Variants in KALRN observed in about 807,000 individuals in gnomAD.
KALRN encodes kalirin.
A neutral mutation model predicts 353.7 loss-of-function variants in KALRN; 70 were observed. The observed-to-expected ratio is 0.20, with a 90% CI of 0.16 to 0.24. The LOEUF (loss-of-function observed/expected upper bound fraction) is 0.24, where lower values mean the gene tolerates loss of function less well. KALRN is among the 10% of genes least tolerant of loss of function. KALRN has a pLI of 1.00. For synonymous variants in KALRN, 1,391 were observed against 1,434.8 expected (o/e 0.97, Z 0.69); for missense variants, 2,791 against 3,756.7 (o/e 0.74, Z 6.72).
Position 124,649,790 on chromosome 3 carries a change from A to AATAGATAGATAG in KALRN, c.5665-982_5665-971dup, listed in dbSNP as rs57296265. On this transcript the variant is annotated intron_variant, in intron 37 of 59. Transcript: ENST00000682506. The stretch of plus-strand genomic sequence containing the variant: ...GCAATAGAGTGAGACCCTGTCTCAA[A>AATAGATAGATAG]ATAGATAGATAGATAGATAGATAGA... Among the ~76,000 whole-genome samples the AATAGATAGATAG allele has an allele frequency of 2.9e-3, 385 of 132,830 alleles. 2 individuals carry two copies. Among genetic ancestry groups the AATAGATAGATAG allele is most frequent in the East Asian group, 5.5e-3 (25 of 4,524 alleles). The allele number at this position is 132,830 out of a possible 152,430, so 87.1% of individuals were successfully genotyped here.
At chr3:124,178,910 G>C (rs922121809) in intron 1 of KALRN, among the ~76,000 whole-genome samples, 47 of 152,242 alleles carry the variant, frequency 3.1e-4, no homozygotes, top group Non-Finnish European at 1.2e-4. Context: ...TTTCAGACCA[G>C]CCTGGGCAAC....
intron 25 of KALRN, among the ~76,000 whole-genome samples, chr3:124,465,459 T>C (rs1466180911): frequency 2.0e-5 from 3 of 152,308 alleles, no homozygotes; most frequent in Admixed American, 2.0e-4. Context: ...AGTCATAATT[T>C]AATCTTTTGT....
chr3:124,203,010 C>T (rs1289940540), intron 1 of KALRN, among the ~76,000 whole-genome samples: 2 of 152,158 alleles, frequency 1.3e-5, no homozygotes, highest in South Asian at 2.1e-4. Context: ...CTGGTGGTTG[C>T]TCAAGTTCCA....
intron 6 of KALRN, among the ~76,000 whole-genome samples, chr3:124,311,353 C>G (rs1331314371): frequency 6.6e-6 from 1 of 151,420 alleles, no homozygotes; most frequent in East Asian, 1.9e-4. Context: ...GTCCCAGCTA[C>G]TGGGGAGGGC....
rs141034816 is a variant in KALRN, at chr3:124,331,990, C to T, written c.1416+1998C>T. ...GCATGGTGCCAAAAGACAGCATTTG[C>T]TCAGAATTCCAGAAAGAGAGCTCTC... On this transcript the variant is annotated intron_variant, in intron 8 of 59. Coordinates refer to ENST00000682506, the MANE Select transcript of KALRN (RefSeq NM_001388419.1). Among the ~76,000 whole-genome samples, 5 of 152,278 alleles carry T rather than the reference C, an allele frequency of 3.3e-5. No homozygotes were observed. The East Asian group carries it at 9.7e-4, about 29-fold the overall frequency.
At chr3:124,636,127 C>T (rs1006408190) in intron 36 of KALRN, among the ~76,000 whole-genome samples, 2 of 152,090 alleles carry the variant, frequency 1.3e-5, no homozygotes, top group Admixed American at 6.5e-5. Context: ...ATTTTCCTCC[C>T]ATCTCAGAAG....
intron 51 of KALRN, among the ~76,000 whole-genome samples, chr3:124,692,813 C>T (rs1054362924): frequency 6.6e-6 from 1 of 152,190 alleles, no homozygotes; most frequent in Non-Finnish European, 1.5e-5. Context: ...AACATACAAT[C>T]ACATTAAACA....
intron 34 of KALRN, among the ~76,000 whole-genome samples, chr3:124,609,882 A>G (rs2077739992): frequency 6.6e-6 from 1 of 152,222 alleles, no homozygotes; most frequent in African/African-American, 2.4e-5. Context: ...TCAGAAAGGT[A>G]AAGAGGTAGA....
At chr3:124,301,655 G>T (rs2077276730) in intron 6 of KALRN, among the ~76,000 whole-genome samples, 1 of 152,174 alleles carries the variant, frequency 6.6e-6, no homozygotes, top group African/African-American at 2.4e-5. Flanking sequence ...CAGGTGAAAA[G>T]AGGGAATTAC....
intron 21 of KALRN, among the ~76,000 whole-genome samples, chr3:124,449,914 T>A (rs1322742646): frequency 6.6e-6 from 1 of 152,268 alleles, no homozygotes; most frequent in Non-Finnish European, 1.5e-5. Flanking sequence ...GCCATTTCAT[T>A]GATATACCAC....
intron 51 of KALRN, among the ~76,000 whole-genome samples, chr3:124,680,451 G>A (rs2087663652): frequency 6.6e-6 from 1 of 152,246 alleles, no homozygotes; most frequent in Admixed American, 6.5e-5. Flanking sequence ...TTCAGAGAAT[G>A]TTTTTCTCCA....
chr3:124,227,606 A>G lies in KALRN; in HGVS notation c.74-384A>G, dbSNP rs986454555. 3.4e-5 allele frequency among the ~76,000 whole-genome samples: 5 copies of G among 148,912 alleles called. No homozygotes were observed. In the South Asian group the frequency reaches 1.1e-3, roughly 32 times the overall value. ...AGACACTGTGCTAGGCACTAGAGGT[A>G]CGAACATGATTTTTTAAAAGTCCCC... On this transcript the variant is annotated intron_variant, in intron 1 of 59. Transcript: ENST00000682506.
At chr3:124,207,111 G>T (rs886705349) in intron 1 of KALRN, among the ~76,000 whole-genome samples, 4 of 152,212 alleles carry the variant, frequency 2.6e-5, no homozygotes, top group African/African-American at 4.8e-5. Context: ...ATCATCCAAG[G>T]TGAGGAGTCC....
rs1253714404 is a variant in KALRN at position 124,694,441 on chromosome 3, G to A, written c.7515G>A (p.Lys2505=). Residue 2505 remains lysine (K), a synonymous_variant, in exon 53 of 60, where the codon AAG becomes AAA. Coordinates refer to ENST00000682506, the MANE Select transcript of KALRN (RefSeq NM_001388419.1). ...GGCCAAAGCCCACCATCACTTGGAAGGGTCCAGACCAGAACATCCTTGACA... is the reference window on the plus strand; with the variant it reads ...GGCCAAAGCCCACCATCACTTGGAAAGGTCCAGACCAGAACATCCTTGACA... ...CGRPKPTITW[K]GPDQNILDTD... is the part of the protein sequence containing the mutation. 1.9e-6 allele frequency: 3 copies of A among 1,614,212 alleles called. No individual in the cohort carries two copies. Among genetic ancestry groups the A allele is most frequent in the East Asian group, 2.2e-5 (1 of 44,890 alleles).
chr3:124,636,437 G>A (rs2081357614), intron 36 of KALRN, among the ~76,000 whole-genome samples: 1 of 152,212 alleles, frequency 6.6e-6, no homozygotes, highest in Non-Finnish European at 1.5e-5. Flanking sequence ...ACTCCTCACT[G>A]CTGGTGCAGG....
Position 124,562,982 on chromosome 3 carries a change from C to A in KALRN, c.5075C>A (p.Thr1692Asn), listed in dbSNP as rs202002851. 2.0e-4 allele frequency: 280 copies of A among 1,367,918 alleles called. 1 individual carries two copies. The African/African-American group carries it at 3.4e-3, about 17-fold the overall frequency. The allele number at this position is 1,367,918 out of a possible 1,614,324, so 84.7% of individuals were successfully genotyped here. ...CGGCCTGGTTGGTGTCTGGTCCGTA[C>A]CACCGAACGGAGCCCGCCCTTGGAG... ...SERPGWCLVR[T>N]TERSPPLEGL... Residue 1692 changes from threonine to asparagine, a missense_variant, in exon 34 of 60, where the codon ACC (threonine) becomes AAC (asparagine). Around this residue, in one of 11 missense-constraint regions of KALRN, gnomAD observed 239 missense variants for 351.3 expected, o/e 0.68. Coordinates refer to ENST00000682506, the MANE Select transcript of KALRN (RefSeq NM_001388419.1).
intron 3 of KALRN, among the ~76,000 whole-genome samples, chr3:124,251,919 T>C (rs1301960730): frequency 6.6e-6 from 1 of 151,986 alleles, no homozygotes; most frequent in Non-Finnish European, 1.5e-5. Flanking sequence ...CAATGAGAGG[T>C]CTTTTTGTTT....
intron 48 of KALRN, among the ~76,000 whole-genome samples, chr3:124,672,617 C>T (rs904482501): frequency 6.6e-6 from 1 of 152,146 alleles, no homozygotes; most frequent in Non-Finnish European, 1.5e-5. Flanking sequence ...GAATGTTTGT[C>T]GTCGATAATC....
intron 1 of KALRN, among the ~76,000 whole-genome samples, chr3:124,051,448 A>G (rs1347713625): frequency 6.6e-6 from 1 of 152,222 alleles, no homozygotes; most frequent in East Asian, 1.9e-4. Context: ...TGCTTTTCTC[A>G]AATAAAGTGA....
Sources: gnomAD v4.1 joint callset for allele counts (sites outside exome capture counted in the v4.1 genomes callset) on GRCh38, gnomAD v4.1.1 for gene constraint, gnomAD v4.1.1 regional missense constraint, MANE v1.5 for transcripts, NCBI Gene and HGNC (gene_info 2026-07-23, HGNC 2026-07-21) for gene names.